SLC35B4: variants seen among roughly 807,000 people sequenced by gnomAD.
The protein encoded by SLC35B4 is nucleotide sugar transporter SLC35B4.
SLC35B4 carries 28 observed loss-of-function variants against 39.5 expected under a neutral mutation model. The observed-to-expected ratio is 0.71, with a 90% CI of 0.53 to 0.97. The LOEUF is 0.97. Ranked by LOEUF, SLC35B4 falls within the 50% of genes least tolerant of loss-of-function variation. The probability of loss-of-function intolerance (pLI) is 0.00; values close to 1 mark genes in which losing one functional copy is unlikely to be tolerated. For synonymous variants in SLC35B4, 145 were observed against 150.4 expected (o/e 0.96, Z 0.26); for missense variants, 334 against 414.3 (o/e 0.81, Z 1.68).
At chr7:134,306,837 G>C in intron 2 of SLC35B4, 63 bp from the exon 3 acceptor site, 2 of 1,401,504 alleles carry the variant, frequency 1.4e-6, no homozygotes, top group South Asian at 1.3e-5. Flanking sequence ...TCAAGTATAG[G>C]AAATATATAT....
Position 134,290,927 on chromosome 7 carries a change from A to G in SLC35B4, c.*3906T>C, listed in dbSNP as rs752231812. 3 of 152,244 alleles carry G rather than the reference A, an allele frequency of 2.0e-5. No individual in the cohort carries two copies. The highest frequency in any genetic ancestry group is 4.8e-5 in the African/African-American group (2 of 41,468). The allele number at this position is 152,244 out of a possible 1,614,324, so 9.4% of individuals were successfully genotyped here. A position where few individuals can be genotyped will look rare whatever the true frequency, so the allele number is the denominator to read the frequency against. On this transcript the variant is annotated 3_prime_UTR_variant, in exon 10 of 10. Coordinates refer to ENST00000378509, the MANE Select transcript of SLC35B4 (RefSeq NM_032826.5). ...GTGCATTTCTCTGTCCGTTTAGGTC[A>G]ATGCCAACTGGTCCACCAGTGAACA...
chr7:134,301,856 C>A (rs1224318556), intron 5 of SLC35B4, 35 bp from the exon 6 acceptor site: 3 of 1,596,292 alleles, frequency 1.9e-6, no homozygotes, highest in Non-Finnish European at 2.6e-6. Flanking sequence ...GTACAGAGAG[C>A]AGAACTACGT....
chr7:134,294,811 G>T lies in SLC35B4; in HGVS notation c.*22C>A, dbSNP rs753262417. The T allele has an allele frequency of 1.9e-6, 3 of 1,613,056 alleles. No homozygotes were observed. In the South Asian group the frequency reaches 3.3e-5, roughly 18 times the overall value. ...GGGTCCCACCCTCACGACGACACTG[G>T]TCTACGTACTCCAGACAGGCCTCAG... On this transcript the variant is annotated 3_prime_UTR_variant, in exon 10 of 10. Coordinates refer to ENST00000378509, the MANE Select transcript of SLC35B4 (RefSeq NM_032826.5).
At position 134,300,278 on chromosome 7, in the gene SLC35B4, A is replaced by T; in HGVS notation, c.488-17T>A. Reference sequence around the variant, plus strand: ...CCCCAATACCTAAAAAACAAACATCAGGTGACAAGATGTCTGCATTTGTTC... The same window carrying T: ...CCCCAATACCTAAAAAACAAACATCTGGTGACAAGATGTCTGCATTTGTTC... On this transcript the variant is annotated splice_polypyrimidine_tract_variant and intron_variant, in intron 6 of 9. Transcript: ENST00000378509. The T allele has an allele frequency of 6.5e-7, 1 of 1,538,508 alleles. No individual in the cohort carries two copies. The highest frequency in any genetic ancestry group is 8.9e-7 in the Non-Finnish European group (1 of 1,124,152).
At chr7:134,304,307 C>G (rs1803658425) in intron 4 of SLC35B4, among the ~76,000 whole-genome samples, 1 of 151,930 alleles carries the variant, frequency 6.6e-6, no homozygotes, top group South Asian at 2.1e-4. Context: ...GGGAGGATCA[C>G]TTGAACCTGG....
chr7:134,317,476 C>A (rs1646733), upstream of SLC35B4, among the ~76,000 whole-genome samples: 72,116 of 151,986 alleles, frequency 0.47, 17,413 homozygotes, highest in Admixed American at 0.54. Flanking sequence ...TTTAATTAGG[C>A]TGAGGTGCAG....
In SLC35B4 at chr7:134,291,720, T is replaced by C. The variant is rs1165328242; in HGVS notation, c.*3113A>G. ...TAAAAACAAAGTATTTGGATTTGTC[T>C]AAATACTTTAGAACTTGATATAAAT... On this transcript the variant is annotated 3_prime_UTR_variant, in exon 10 of 10. Coordinates refer to ENST00000378509, the MANE Select transcript of SLC35B4 (RefSeq NM_032826.5). 6.6e-6 allele frequency: 1 copy of C among 152,224 alleles called. No homozygotes were observed. Among genetic ancestry groups the C allele is most frequent in the Non-Finnish European group, 1.5e-5 (1 of 68,036 alleles). The allele number at this position is 152,224 out of a possible 1,614,324, so 9.4% of individuals were successfully genotyped here. A position where few individuals can be genotyped will look rare whatever the true frequency, so the allele number is the denominator to read the frequency against.
In SLC35B4 at chr7:134,315,316, A is replaced by G. The variant is rs576289951; in HGVS notation, c.77+1359T>C. On this transcript the variant is annotated intron_variant, in intron 1 of 9. Coordinates refer to ENST00000378509, the MANE Select transcript of SLC35B4 (RefSeq NM_032826.5). ...ATAATTCTTGACCAATCTTCTGCAC[A>G]GGATTGTTCGGATGATCAACAGAGA... Among the ~76,000 whole-genome samples the G allele has an allele frequency of 3.3e-5, 5 of 152,320 alleles. No individual in the cohort carries two copies. In the East Asian group the frequency reaches 9.6e-4, roughly 29 times the overall value.
chr7:134,309,578 T>C lies in SLC35B4; in HGVS notation c.78-99A>G, dbSNP rs1361247397. 1.2e-5 allele frequency: 9 copies of C among 750,334 alleles called. No homozygotes were observed. In the African/African-American group the frequency reaches 1.6e-4, roughly 13 times the overall value. 46.5% of individuals were successfully genotyped at this position (750,334 alleles called of 1,614,324 possible). A position where few individuals can be genotyped will look rare whatever the true frequency, so the allele number is the denominator to read the frequency against. ...TAGAGGGCCAGAATAACAGCGTGGATGGATTTCAATTACCCACTGTCCTTT... is the reference window on the plus strand; with the variant it reads ...TAGAGGGCCAGAATAACAGCGTGGACGGATTTCAATTACCCACTGTCCTTT... On this transcript the variant is annotated intron_variant, in intron 1 of 9. Transcript: ENST00000378509.
chr7:134,299,416 CATG>C, intron 8 of SLC35B4, 104 bp downstream of exon 8: 1 of 811,814 alleles, frequency 1.2e-6, no homozygotes, highest in South Asian at 2.0e-5. Flanking sequence ...GAAAGGAACA[CATG>C]ATTTGAATAG....
intron 2 of SLC35B4, among the ~76,000 whole-genome samples, chr7:134,307,516 A>G (rs1176813942): frequency 6.6e-6 from 1 of 152,228 alleles, no homozygotes; most frequent in Non-Finnish European, 1.5e-5. Flanking sequence ...TGCCGTTTTT[A>G]TAGGTCAAAA....
chr7:134,314,966 C>A (rs1264115521), intron 1 of SLC35B4, among the ~76,000 whole-genome samples: 1 of 152,080 alleles, frequency 6.6e-6, no homozygotes, highest in Non-Finnish European at 1.5e-5. Flanking sequence ...AATAACAGAT[C>A]TTTATCAACA....
chr7:134,308,588 A>G (rs1803764241), intron 2 of SLC35B4, among the ~76,000 whole-genome samples: 1 of 152,238 alleles, frequency 6.6e-6, no homozygotes, highest in Non-Finnish European at 1.5e-5. Context: ...GAATGCTGCA[A>G]AAGAAAACCA....
intron 1 of SLC35B4, among the ~76,000 whole-genome samples, chr7:134,314,879 T>C (rs1803934562): frequency 6.6e-6 from 1 of 151,464 alleles, no homozygotes; most frequent in Non-Finnish European, 1.5e-5. Context: ...GTGGCCTTCC[T>C]TTAAAAGTGT....
At chr7:134,314,604 C>G (rs958311069) in intron 1 of SLC35B4, among the ~76,000 whole-genome samples, 1 of 152,122 alleles carries the variant, frequency 6.6e-6, no homozygotes, top group African/African-American at 2.4e-5. Context: ...GGTGCTATCT[C>G]GGCTCACTGC....
chr7:134,313,499 T>A lies in SLC35B4; in HGVS notation c.77+3176A>T, dbSNP rs144107697. On this transcript the variant is annotated intron_variant, in intron 1 of 9. Transcript: ENST00000378509. ...AGTTAGCTGGTGTGTGTATATCTTG[T>A]TTCCAAGGTAGAATGTAAGCTCCCT... 7.4e-4 allele frequency among the ~76,000 whole-genome samples: 112 copies of A among 152,336 alleles called. 1 individual carries two copies. The highest frequency in any genetic ancestry group is 2.4e-3 in the African/African-American group (98 of 41,584).
chr7:134,302,522 G>A (rs1289647828), intron 4 of SLC35B4, among the ~76,000 whole-genome samples: 1 of 152,152 alleles, frequency 6.6e-6, no homozygotes, highest in Non-Finnish European at 1.5e-5. Flanking sequence ...GGAAAAACAG[G>A]CTATCAGGTG....
intron 6 of SLC35B4, among the ~76,000 whole-genome samples, chr7:134,300,577 T>C (rs979329804): frequency 6.6e-6 from 1 of 152,166 alleles, no homozygotes; most frequent in Non-Finnish European, 1.5e-5. Context: ...ATTTTTTAAA[T>C]AGAATGCTTT....
chr7:134,313,155 T>G (rs1016760151), intron 1 of SLC35B4, among the ~76,000 whole-genome samples: 8 of 152,230 alleles, frequency 5.3e-5, no homozygotes, highest in Admixed American at 3.3e-4. Context: ...AATAATTCAT[T>G]TTAAAACTTC....
Sources: allele counts gnomAD v4.1 joint callset (sites outside exome capture counted in the v4.1 genomes callset), GRCh38; gene constraint gnomAD v4.1.1; transcripts MANE v1.5; gene names NCBI Gene and HGNC (gene_info 2026-07-23, HGNC 2026-07-21).